The following AHNAK variants were observed in gnomAD, a reference collection of about 807,000 sequenced individuals.
AHNAK encodes the protein AHNAK nucleoprotein.
AHNAK carries 23 observed loss-of-function variants against 37.8 expected under a neutral mutation model. The ratio of observed to expected loss-of-function variants is 0.61; its 90% CI spans 0.44 to 0.86. AHNAK has a LOEUF of 0.86. AHNAK is among the 40% of genes least tolerant of loss of function. The pLI is 0.00. For synonymous variants in AHNAK, 2,481 were observed against 2,636.3 expected (o/e 0.94, Z 1.80); for missense variants, 7,411 against 7,319.4 (o/e 1.01, Z -0.46).
At chr11:62,455,794 G>A (rs924613328) in intron 5 of AHNAK, among the ~76,000 whole-genome samples, 5 of 152,002 alleles carry the variant, frequency 3.3e-5, no homozygotes, top group Non-Finnish European at 5.9e-5. Flanking sequence ...GAACCTGGGA[G>A]GCGGAGGTTG....
intron 4 of AHNAK, among the ~76,000 whole-genome samples, chr11:62,495,996 C>T (rs1337033157): frequency 6.6e-6 from 1 of 151,360 alleles, no homozygotes; most frequent in African/African-American, 2.4e-5. Context: ...CTGCAGTGAG[C>T]CAAGATTGCG....
rs1172004204 is a variant in AHNAK at position 62,533,580 on chromosome 11, G to A, written c.837C>T (p.Asp279=). The change falls in exon 5 of 5, where the codon GAC becomes GAT. Residue 279 remains aspartate, a synonymous_variant. Coordinates refer to ENST00000378024, the MANE Select transcript of AHNAK (RefSeq NM_001620.3). ...CCCTACCCCCAAGAGAAGATGAAAT[G>A]TCCACTGCTGGAACTTGGACCCCTC... ...GRGGVQVPAV[D]ISSSLGGRAV... 6.2e-7 allele frequency: 1 copy of A among 1,614,006 alleles called. No homozygotes were observed. Among genetic ancestry groups the A allele is most frequent in the East Asian group, 2.2e-5 (1 of 44,890 alleles).
Position 62,529,185 on chromosome 11 carries a change from A to T in AHNAK, c.5232T>A (p.Ser1744=). 1.2e-6 allele frequency: 2 copies of T among 1,614,214 alleles called. No individual in the cohort carries two copies. Among genetic ancestry groups the T allele is most frequent in the East Asian group, 2.2e-5 (1 of 44,888 alleles). Residue 1744 remains serine, a synonymous_variant, in exon 5 of 5, where the codon TCT becomes TCA. Coordinates refer to ENST00000378024, the MANE Select transcript of AHNAK (RefSeq NM_001620.3). ...GAGCATCAGTGTCCACACTGGGTCC[A>T]GACACATCAATGTCAGCCTTTGGCA... ...VNLPKADIDV[S]GPSVDTDAPD...
intron 5 of AHNAK, among the ~76,000 whole-genome samples, chr11:62,446,870 A>G (rs920687723): frequency 4.6e-5 from 7 of 151,824 alleles, no homozygotes; most frequent in Admixed American, 4.6e-4. Flanking sequence ...TATAAACATC[A>G]AGTCTCCCCC....
Position 62,524,458 on chromosome 11 carries a change from C to T in AHNAK, c.9959G>A (p.Gly3320Asp). Residue 3320 changes from glycine (G) to aspartate (D), a missense_variant, in exon 5 of 5, where the codon GGT becomes GAT. Gly to Asp is a moderately conservative substitution (Grantham distance 94, BLOSUM62 -1). Coordinates refer to ENST00000378024, the MANE Select transcript of AHNAK (RefSeq NM_001620.3). ...ATCCAAACTGGGAGCTTTAATGTCA[C>T]CTTCCAACTTGGGCCCAGAGACATC... ...DVDVSGPKLE[G>D]DIKAPSLDIK... 1.9e-6 allele frequency: 3 copies of T among 1,614,052 alleles called. No homozygotes were observed. Among genetic ancestry groups the T allele is most frequent in the Non-Finnish European group, 2.5e-6 (3 of 1,179,990 alleles).
chr11:62,500,298 A>G (rs1939689111), intron 4 of AHNAK, among the ~76,000 whole-genome samples: 1 of 152,166 alleles, frequency 6.6e-6, no homozygotes, highest in Non-Finnish European at 1.5e-5. Context: ...TAGGGGAGAT[A>G]TTTCAGGCTA....
At chr11:62,476,172 G>A (rs1335665834) in intron 5 of AHNAK, among the ~76,000 whole-genome samples, 1 of 152,178 alleles carries the variant, frequency 6.6e-6, no homozygotes, top group Admixed American at 6.5e-5. Flanking sequence ...CGGATCACCT[G>A]AGGTCAGGAG....
rs1284547911 is a variant in AHNAK at position 62,546,772 on chromosome 11, G to GT, written c.-213dup. ...CCGGGCGGGTCTGGCAGGGCGGGCG[G>GT]TGCAGTCCCCGCGGCAGAGCAGCTC... On this transcript the variant is annotated 5_prime_UTR_variant, in exon 1 of 5. Coordinates refer to ENST00000378024, the MANE Select transcript of AHNAK (RefSeq NM_001620.3). 1 of 153,070 alleles carries GT rather than the reference G, an allele frequency of 6.5e-6. No homozygotes were observed. Among genetic ancestry groups the GT allele is most frequent in the Non-Finnish European group, 1.5e-5 (1 of 68,770 alleles). 9.5% of individuals were successfully genotyped at this position (153,070 alleles called of 1,614,324 possible). A position where few individuals can be genotyped will look rare whatever the true frequency, so the allele number is the denominator to read the frequency against.
chr11:62,516,608 C>T lies in AHNAK; in HGVS notation c.*136G>A. 8 of 1,483,190 alleles carry T rather than the reference C, an allele frequency of 5.4e-6. No homozygotes were observed. The South Asian group carries it at 1.0e-4, about 19-fold the overall frequency. The allele number at this position is 1,483,190 out of a possible 1,614,324, so 91.9% of individuals were successfully genotyped here. A position where few individuals can be genotyped will look rare whatever the true frequency, so the allele number is the denominator to read the frequency against. On this transcript the variant is annotated 3_prime_UTR_variant, in exon 5 of 5. Transcript: ENST00000378024. ...CAGGCGGTCGGTTTTTCAGCGCTTG[C>T]CACCGGGCCAGGCAAGGTCTTTGCA... is the stretch of plus-strand genomic sequence containing the variant.
intron 5 of AHNAK, among the ~76,000 whole-genome samples, chr11:62,445,203 G>C (rs1323666066): frequency 6.6e-6 from 1 of 152,188 alleles, no homozygotes; most frequent in Non-Finnish European, 1.5e-5. Flanking sequence ...GAGCTACCGA[G>C]AAGGAGACAT....
chr11:62,488,186 C>G (rs542006512), intron 5 of AHNAK, among the ~76,000 whole-genome samples: 2 of 152,276 alleles, frequency 1.3e-5, no homozygotes, highest in South Asian at 2.1e-4. Context: ...ACATTATGCA[C>G]CCAGTGTACA....
At chr11:62,445,824 C>T (rs936890566) in intron 5 of AHNAK, among the ~76,000 whole-genome samples, 2 of 152,078 alleles carry the variant, frequency 1.3e-5, no homozygotes, top group African/African-American at 4.8e-5. Context: ...CCCGACCAAC[C>T]TGGCCAACAT....
chr11:62,452,708 A>G (rs1938566519), intron 5 of AHNAK, among the ~76,000 whole-genome samples: 1 of 152,112 alleles, frequency 6.6e-6, no homozygotes, highest in Non-Finnish European at 1.5e-5. Flanking sequence ...GGCTCACACA[A>G]TGGGACAGGT....
chr11:62,480,802 T>C (rs1250132681), intron 5 of AHNAK, among the ~76,000 whole-genome samples: 2 of 75,668 alleles, frequency 2.6e-5, no homozygotes, highest in African/African-American at 1.9e-4. Context: ...CTGCGTGCAG[T>C]TAAAAAAAAA....
Position 62,533,442 on chromosome 11 carries a change from T to C in AHNAK, c.975A>G (p.Pro325=), listed in dbSNP as rs758369989. Residue 325 remains proline (P), a synonymous_variant, in exon 5 of 5, where the codon CCA becomes CCG. Transcript: ENST00000378024. ...GTGCAGAAACCCTCAGCCCTGCCTT[T>C]GGTGTCTGGCCCTCACGCCCTGTTG... ...GVSTGREGQT[P]KAGLRVSAPE... The C allele has an allele frequency of 1.9e-6, 3 of 1,613,746 alleles. No homozygotes were observed. In the African/African-American group the frequency reaches 4.0e-5, roughly 22 times the overall value.
rs1275532377 is a variant in AHNAK at position 62,523,113 on chromosome 11, G to A, written c.11304C>T (p.Pro3768=). ...KVKGDVDVSL[P]KMEGDLKGPE... ...GACCCTTGAGGTCACCTTCCATTTT[G>A]GGCAGAGAAACATCCACATCGCCCT... The change falls in exon 5 of 5, where the codon CCC becomes CCT. Residue 3768 remains proline, a synonymous_variant. Transcript: ENST00000378024. 9 of 1,613,812 alleles carry A rather than the reference G, an allele frequency of 5.6e-6. No individual in the cohort carries two copies. The highest frequency in any genetic ancestry group is 7.6e-6 in the Non-Finnish European group (9 of 1,179,948).
chr11:62,438,643 T>G (rs1284687440), intron 5 of AHNAK, among the ~76,000 whole-genome samples: 4 of 152,268 alleles, frequency 2.6e-5, no homozygotes, highest in Non-Finnish European at 4.4e-5. Flanking sequence ...TGCCCTTGGA[T>G]GAAGAGAGGA....
At chr11:62,457,372 C>T (rs1474005513) in intron 5 of AHNAK, among the ~76,000 whole-genome samples, 2 of 151,642 alleles carry the variant, frequency 1.3e-5, no homozygotes, top group Non-Finnish European at 2.9e-5. Flanking sequence ...CGCTTGAACC[C>T]GGGAGGCAGA....
In AHNAK at chr11:62,518,804, CTTT is replaced by C. The variant is rs770789532; in HGVS notation, c.15610_15612del (p.Lys5204del). 3 of 1,614,246 alleles carry C rather than the reference CTTT, an allele frequency of 1.9e-6. No individual in the cohort carries two copies. The Admixed American group carries it at 5.0e-5, about 27-fold the overall frequency. On this transcript the variant is annotated inframe_deletion, in exon 5 of 5. Coordinates refer to ENST00000378024, the MANE Select transcript of AHNAK (RefSeq NM_001620.3). ...GGGACATCACCCTTTATCTTTGGTC[CTTT>C]CAAGTTTACATTCACATCAGGGATG...
Sources: allele counts gnomAD v4.1 joint callset (sites outside exome capture counted in the v4.1 genomes callset), GRCh38; gene constraint gnomAD v4.1.1; transcripts MANE v1.5; gene names NCBI Gene and HGNC (gene_info 2026-07-23, HGNC 2026-07-21).